The following USP30 variants were observed in gnomAD, a reference collection of about 807,000 sequenced individuals.
USP30 encodes the protein ubiquitin specific peptidase 30.
In USP30, 41 loss-of-function variants were observed where a neutral mutation model predicts 68.2. That is an observed-to-expected ratio of 0.60 (90% CI 0.47 to 0.78). The LOEUF is 0.78. Ranked by LOEUF, USP30 falls within the 30% of genes least tolerant of loss-of-function variation. The probability of loss-of-function intolerance (pLI) is 0.00; values close to 1 mark genes in which losing one functional copy is unlikely to be tolerated. For synonymous variants in USP30, 229 were observed against 253.7 expected (o/e 0.90, Z 0.93); for missense variants, 522 against 649.4 (o/e 0.80, Z 2.13).
rs190500535 is a variant in USP30 at position 109,028,629 on chromosome 12, C to G, written c.-136+1073C>G. 2.6e-5 allele frequency among the ~76,000 whole-genome samples: 4 copies of G among 152,222 alleles called. No individual in the cohort carries two copies. In the East Asian group the frequency reaches 7.7e-4, roughly 29 times the overall value. ...AGTAGCTGAGATTACAGGCGTGTGCCAACACGCCTGGCTAATTTTTGTAAT... is the reference window on the plus strand; with the variant it reads ...AGTAGCTGAGATTACAGGCGTGTGCGAACACGCCTGGCTAATTTTTGTAAT... On this transcript the variant is annotated intron_variant, in intron 3 of 15. Transcript: ENST00000392784.
chr12:109,081,623 G>GCACGCA (rs2041801491), intron 8 of USP30: 2 of 499,554 alleles, frequency 4.0e-6, no homozygotes, highest in South Asian at 5.2e-5. Context: ...ACGCATGCGC[G>GCACGCA]CACACACACA....
chr12:109,039,624 T>C (rs1376844838), intron 3 of USP30, among the ~76,000 whole-genome samples: 2 of 152,112 alleles, frequency 1.3e-5, no homozygotes, highest in African/African-American at 4.8e-5. Context: ...ATCCATTTTT[T>C]TTTTTGAGAT....
chr12:109,052,034 A>G (rs557154425), upstream of USP30, among the ~76,000 whole-genome samples: 2 of 152,298 alleles, frequency 1.3e-5, no homozygotes, highest in African/African-American at 4.8e-5. Flanking sequence ...CTATTTCTTC[A>G]AATTTCCTGG....
intron 5 of USP30, 94 bp from the exon 6 acceptor site, chr12:109,072,211 A>G (rs532659868): frequency 9.1e-7 from 1 of 1,093,492 alleles, no homozygotes; most frequent in East Asian, 2.4e-5. Context: ...GGTGTAATCA[A>G]CGTAGAAACT....
chr12:109,051,589 A>C (rs1304072603), upstream of USP30, among the ~76,000 whole-genome samples: 1 of 66,778 alleles, frequency 1.5e-5, no homozygotes, highest in Non-Finnish European at 2.8e-5. Context: ...TTTTTTTTTG[A>C]GATGGAGTCT....
intron 7 of USP30, 53 bp downstream of exon 7, chr12:109,073,585 G>A (rs1376579225): frequency 2.0e-6 from 3 of 1,523,482 alleles, no homozygotes; most frequent in Middle Eastern, 3.4e-4. Flanking sequence ...CCAAAAGTTA[G>A]GATTCTTGAA....
At chr12:109,029,382 C>T (rs995006464) in intron 3 of USP30, among the ~76,000 whole-genome samples, 2 of 152,206 alleles carry the variant, frequency 1.3e-5, no homozygotes, top group African/African-American at 4.8e-5. Context: ...GAGCTTATCA[C>T]AGGCTTGGAA....
intron 3 of USP30, among the ~76,000 whole-genome samples, chr12:109,063,740 G>A (rs1168494613): frequency 6.6e-6 from 1 of 152,074 alleles, no homozygotes; most frequent in African/African-American, 2.4e-5. Context: ...CATCCTAATG[G>A]TATGGTAATT....
At chr12:109,071,502 G>A in intron 4 of USP30, 110 bp from the exon 5 acceptor site, 3 of 840,580 alleles carry the variant, frequency 3.6e-6, no homozygotes, top group Non-Finnish European at 5.8e-6. Flanking sequence ...TGAGAAGGTA[G>A]AAAGCAAATT....
chr12:109,025,679 A>C (rs940258214), intron 2 of USP30, among the ~76,000 whole-genome samples: 1 of 151,746 alleles, frequency 6.6e-6, no homozygotes, highest in Admixed American at 6.6e-5. Flanking sequence ...TGGAACTGCC[A>C]CTTTTTTTTT....
At chr12:109,055,600 G>C (rs543295979) in intron 1 of USP30, among the ~76,000 whole-genome samples, 2 of 146,634 alleles carry the variant, frequency 1.4e-5, no homozygotes, top group Non-Finnish European at 3.0e-5. Context: ...GGGTTTCACC[G>C]TGTTGGCCAG....
intron 3 of USP30, among the ~76,000 whole-genome samples, chr12:109,059,007 A>G (rs74836577): frequency 6.6e-6 from 1 of 152,206 alleles, no homozygotes; most frequent in Non-Finnish European, 1.5e-5. Flanking sequence ...TGTTTGACCC[A>G]GTAATTCCAT....
rs142788785 is a variant in USP30 at position 109,058,982 on chromosome 12, C to T, written c.376+874C>T. Among the ~76,000 whole-genome samples, 199 of 152,208 alleles carry T rather than the reference C, an allele frequency of 1.3e-3. 3 individuals are homozygous for T. The South Asian group carries it at 0.021, about 16-fold the overall frequency. ...TTTGGAACTACACAATAATAGCTTG[C>T]GAAATACTCAGTACTGTTTGACCCA... is the stretch of plus-strand genomic sequence containing the variant. On this transcript the variant is annotated intron_variant, in intron 3 of 12. Coordinates refer to ENST00000257548, the MANE Select transcript of USP30 (RefSeq NM_032663.5).
intron 3 of USP30, among the ~76,000 whole-genome samples, chr12:109,045,615 T>C (rs938194279): frequency 2.6e-5 from 4 of 152,186 alleles, no homozygotes; most frequent in African/African-American, 9.7e-5. Flanking sequence ...AGCTTCCTCT[T>C]CTATGAAATG....
At chr12:109,043,556 C>A (rs183859989) in intron 3 of USP30, among the ~76,000 whole-genome samples, 1 of 152,270 alleles carries the variant, frequency 6.6e-6, no homozygotes, top group East Asian at 1.9e-4. Context: ...CCTTACCTAA[C>A]AACACATACA....
At chr12:109,056,820 T>G in intron 2 of USP30, 29 bp downstream of exon 2, 1 of 1,520,972 alleles carries the variant, frequency 6.6e-7, no homozygotes, top group Non-Finnish European at 9.0e-7. Flanking sequence ...CATCATGGTC[T>G]GTAGACTTGA....
chr12:109,046,944 G>T (rs568874825), intron 3 of USP30, among the ~76,000 whole-genome samples: 2 of 152,058 alleles, frequency 1.3e-5, no homozygotes, highest in African/African-American at 4.8e-5. Flanking sequence ...TGATCCACCC[G>T]CCTGGGCCTC....
At chr12:109,040,963 G>T (rs2040560583) in intron 3 of USP30, among the ~76,000 whole-genome samples, 1 of 152,164 alleles carries the variant, frequency 6.6e-6, no homozygotes, top group East Asian at 1.9e-4. Context: ...GCCCTACATG[G>T]TCAAAATTCT....
rs1417836748 is a variant in USP30 at position 109,082,744 on chromosome 12, G to A, written c.948+1G>A. 6.2e-7 allele frequency: 1 copy of A among 1,613,840 alleles called. No homozygotes were observed. The highest frequency in any genetic ancestry group is 1.7e-5 in the Admixed American group (1 of 59,980). On this transcript the variant is annotated splice_donor_variant, in intron 10 of 12. Transcript: ENST00000257548. LOFTEE classifies it high-confidence loss of function. ...TGTTAAACAGTTAAAACTAGGGAAG[G>A]TGAGCCCACACTACACACCCTGTTG...
Sources: allele counts gnomAD v4.1 joint callset (sites outside exome capture counted in the v4.1 genomes callset), GRCh38; gene constraint gnomAD v4.1.1; transcripts MANE v1.5; gene names NCBI Gene and HGNC (gene_info 2026-07-23, HGNC 2026-07-21).